Variants in PRKAG2 observed in about 807,000 individuals in gnomAD.
The protein encoded by PRKAG2 is 5'-AMP-activated protein kinase subunit gamma-2.
Under a neutral mutation model 69.6 loss-of-function variants are expected in PRKAG2, and 26 were observed. The observed-to-expected ratio is 0.37, with a 90% confidence interval of 0.27 to 0.52. PRKAG2 has a LOEUF of 0.52. PRKAG2 is among the 20% of genes least tolerant of loss of function. The probability of loss-of-function intolerance (pLI) is 0.90; values close to 1 mark genes in which losing one functional copy is unlikely to be tolerated. For synonymous variants in PRKAG2, 293 were observed against 285.0 expected, an observed-to-expected ratio of 1.03 and a Z score of -0.28; for missense variants, 557 against 740.0, an observed-to-expected ratio of 0.75 and a Z score of 2.87.
Position 151,575,588 on chromosome 7 carries a change from A to C in PRKAG2, c.947-639T>G, listed in dbSNP as rs1808693391. Among the ~76,000 whole-genome samples, 4 of 152,226 alleles carry C rather than the reference A, an allele frequency of 2.6e-5. No individual in the cohort carries two copies. The South Asian group carries it at 8.3e-4, about 32-fold the overall frequency. ...AGCTGTAAGTTACACAACAGTTTTA[A>C]CAGTATAACAATGGTCTGGCAGAGA... On this transcript the variant is annotated intron_variant, in intron 7 of 15. Coordinates refer to ENST00000287878, the MANE Select transcript of PRKAG2 (RefSeq NM_016203.4).
At chr7:151,688,051 C>T (rs28670179) in intron 3 of PRKAG2, among the ~76,000 whole-genome samples, 6 of 145,852 alleles carry the variant, frequency 4.1e-5, no homozygotes, top group Admixed American at 2.0e-4. Flanking sequence ...GGCCCCCCCC[C>T]GGGCTCCTTG....
intron 1 of PRKAG2, among the ~76,000 whole-genome samples, chr7:151,813,521 C>T (rs1241349378): frequency 6.6e-6 from 1 of 151,090 alleles, no homozygotes; most frequent in Non-Finnish European, 1.5e-5. Context: ...ATGGCTTACT[C>T]AAAGTGCCAT....
At chr7:151,700,912 G>A (rs1439320726) in intron 3 of PRKAG2, among the ~76,000 whole-genome samples, 1 of 152,220 alleles carries the variant, frequency 6.6e-6, no homozygotes, top group Non-Finnish European at 1.5e-5. Context: ...GCCTGCCCGG[G>A]AAATCCGAGC....
At chr7:151,595,281 T>A in intron 6 of PRKAG2, 64 bp downstream of exon 6, 1 of 1,177,334 alleles carries the variant, frequency 8.5e-7, no homozygotes, top group Non-Finnish European at 1.3e-6. Flanking sequence ...GGTTTTAAAT[T>A]ACTGTATAAA....
rs1807215315 is a variant in PRKAG2, at chr7:151,570,161, A to C, written c.1106+10T>G. On this transcript the variant is annotated intron_variant, in intron 10 of 15. Coordinates refer to ENST00000287878, the MANE Select transcript of PRKAG2 (RefSeq NM_016203.4). ...ATGAATGTTTTCAAAGAAAAAAAAA[A>C]CAAGTTTACCTTGCATCTGGAGATA... is the stretch of plus-strand genomic sequence containing the variant. The C allele has an allele frequency of 6.3e-7, 1 of 1,597,474 alleles. No individual in the cohort carries two copies.
rs75686406 is a variant in PRKAG2 at position 151,832,364 on chromosome 7, G to A, written c.114+44143C>T. Reference sequence around the variant, plus strand: ...TTCACACCAAGGAGACCTGCTTGTTGGGGGCGAAGCAGAAGCTCCGACTTC... The same window carrying A: ...TTCACACCAAGGAGACCTGCTTGTTAGGGGCGAAGCAGAAGCTCCGACTTC... On this transcript the variant is annotated intron_variant, in intron 1 of 15. Coordinates refer to ENST00000287878, the MANE Select transcript of PRKAG2 (RefSeq NM_016203.4). 7.9e-3 allele frequency among the ~76,000 whole-genome samples: 1,208 copies of A among 152,232 alleles called. 23 individuals are homozygous for A. Among genetic ancestry groups the A allele is most frequent in the African/African-American group, 0.028 (1,152 of 41,522 alleles).
chr7:151,643,585 A>G (rs576623434), intron 4 of PRKAG2, among the ~76,000 whole-genome samples: 1 of 152,370 alleles, frequency 6.6e-6, no homozygotes, highest in East Asian at 1.9e-4. Context: ...ACAATATTCC[A>G]GCTGAAATTA....
At chr7:151,697,061 C>T (rs999925550) in intron 3 of PRKAG2, among the ~76,000 whole-genome samples, 4 of 151,752 alleles carry the variant, frequency 2.6e-5, no homozygotes, top group Admixed American at 2.0e-4. Flanking sequence ...GGGATGGAGG[C>T]GCCTGGCATG....
Position 151,726,507 on chromosome 7 carries a change from A to G in PRKAG2, c.467-50870T>C, listed in dbSNP as rs368747883. Among the ~76,000 whole-genome samples the G allele has an allele frequency of 7.0e-4, 106 of 152,276 alleles. 6 individuals carry two copies. Among genetic ancestry groups the G allele is most frequent in the South Asian group, 4.8e-3 (23 of 4,790 alleles). On this transcript the variant is annotated intron_variant, in intron 3 of 15. Transcript: ENST00000287878. ...CAACAGAAAGGCACACCAACGCACA[A>G]GAGTGCCCATGAGAGCACTCTGTCA...
intron 5 of PRKAG2, among the ~76,000 whole-genome samples, chr7:151,621,614 C>T (rs1312532894): frequency 2.0e-5 from 3 of 152,182 alleles, no homozygotes; most frequent in African/African-American, 7.2e-5. Context: ...TCTCTGTTGC[C>T]CAGGCTGGAG....
At chr7:151,605,444 A>G (rs1817277132) in intron 5 of PRKAG2, among the ~76,000 whole-genome samples, 1 of 152,090 alleles carries the variant, frequency 6.6e-6, no homozygotes, top group African/African-American at 2.4e-5. Flanking sequence ...TTTTTAAATT[A>G]AATTTTATGG....
intron 3 of PRKAG2, among the ~76,000 whole-genome samples, chr7:151,689,137 T>A (rs1182001121): frequency 6.6e-6 from 1 of 152,252 alleles, no homozygotes. Flanking sequence ...TCTGTAATAG[T>A]ACCTGGAGTT....
chr7:151,643,321 T>C (rs1827059133), intron 4 of PRKAG2, among the ~76,000 whole-genome samples: 1 of 152,250 alleles, frequency 6.6e-6, no homozygotes, highest in South Asian at 2.1e-4. Flanking sequence ...ATGTTGTATT[T>C]ATATTAGAAT....
At chr7:151,753,706 C>T (rs186956664) in intron 3 of PRKAG2, among the ~76,000 whole-genome samples, 6 of 152,192 alleles carry the variant, frequency 3.9e-5, no homozygotes, top group Admixed American at 3.3e-4. Flanking sequence ...CGTGAGCCAC[C>T]TCGCCCAGCC....
chr7:151,657,914 T>C (rs1829688211), intron 4 of PRKAG2, among the ~76,000 whole-genome samples: 1 of 152,082 alleles, frequency 6.6e-6, no homozygotes, highest in African/African-American at 2.4e-5. Context: ...TCCCAGCACT[T>C]TGGGAGGCCA....
Position 151,588,927 on chromosome 7 carries a change from A to T in PRKAG2, c.864+6418T>A, listed in dbSNP as rs917912936. Among the ~76,000 whole-genome samples, 4 of 152,178 alleles carry T rather than the reference A, an allele frequency of 2.6e-5. No homozygotes were observed. In the South Asian group the frequency reaches 8.3e-4, roughly 32 times the overall value. On this transcript the variant is annotated intron_variant, in intron 6 of 15. Coordinates refer to ENST00000287878, the MANE Select transcript of PRKAG2 (RefSeq NM_016203.4). ...CTGGGCTTATCTGGAAGGGAAGGGGATGTCCCCCCTCTCTACTGTGCCAGT... is the reference window on the plus strand; with the variant it reads ...CTGGGCTTATCTGGAAGGGAAGGGGTTGTCCCCCCTCTCTACTGTGCCAGT...
chr7:151,809,358 G>A (rs117512824), intron 1 of PRKAG2: 7,667 of 419,342 alleles, frequency 0.018, 105 homozygotes, highest in South Asian at 0.035. Context: ...GGCAGGTGTC[G>A]GAGTGGGCCT....
intron 4 of PRKAG2, among the ~76,000 whole-genome samples, chr7:151,651,148 G>GT (rs1554518009): frequency 1.3e-5 from 2 of 152,200 alleles, no homozygotes; most frequent in Non-Finnish European, 2.9e-5. Context: ...CATACTTAGA[G>GT]ATTTCTCTGG....
At position 151,557,199 on chromosome 7, in the gene PRKAG2, G is replaced by A. The variant is rs199559205; in HGVS notation, c.*2C>T. On this transcript the variant is annotated 3_prime_UTR_variant, in exon 16 of 16. Transcript: ENST00000287878. ...CTCCTAGGGCGTCTACATTCACGGC[G>A]GTCACTCCGTTTCTGTCTCCTTTTG... 1.6e-4 allele frequency: 252 copies of A among 1,613,972 alleles called. No homozygotes were observed. Among genetic ancestry groups the A allele is most frequent in the Non-Finnish European group, 2.0e-4 (234 of 1,180,020 alleles).
Sources: gnomAD v4.1 joint callset for allele counts (sites outside exome capture counted in the v4.1 genomes callset) on GRCh38, gnomAD v4.1.1 for gene constraint, MANE v1.5 for transcripts, NCBI Gene and HGNC (gene_info 2026-07-23, HGNC 2026-07-21) for gene names.